Variants in ATMIN observed in about 807,000 individuals in gnomAD.
ATMIN encodes ATM INteracting protein.
In ATMIN, 24 loss-of-function variants were observed where a neutral mutation model predicts 49.2. That is an observed-to-expected ratio of 0.49 (90% CI 0.35 to 0.69). The LOEUF is 0.69. Ranked by LOEUF, ATMIN falls within the 30% of genes least tolerant of loss-of-function variation. The pLI is 0.00. For synonymous variants in ATMIN, 450 were observed against 392.5 expected (o/e 1.15, Z -1.73); for missense variants, 1,037 against 1,005.5 (o/e 1.03, Z -0.42).
intron 1 of ATMIN, among the ~76,000 whole-genome samples, chr16:81,039,536 A>AT (rs1311356165): frequency 6.6e-6 from 1 of 152,216 alleles, no homozygotes; most frequent in Admixed American, 6.5e-5. Flanking sequence ...TGCCTAAGGT[A>AT]TATGGCCATA....
intron 1 of ATMIN, among the ~76,000 whole-genome samples, chr16:81,038,413 G>A (rs940924224): frequency 6.6e-6 from 1 of 152,160 alleles, no homozygotes; most frequent in Non-Finnish European, 1.5e-5. Flanking sequence ...TTACAGGTGT[G>A]AGCCACTGTG....
chr16:81,037,380 C>T, intron 1 of ATMIN: 2 of 985,408 alleles, frequency 2.0e-6, no homozygotes, highest in South Asian at 4.7e-5. Flanking sequence ...AGATGTGTCG[C>T]CAATGAAGAG....
At chr16:81,037,460 A>T (rs930333533) in intron 1 of ATMIN, 2 of 985,364 alleles carry the variant, frequency 2.0e-6, no homozygotes, top group African/African-American at 3.5e-5. Flanking sequence ...GGAGCCAGTC[A>T]GGAAATGTAC....
At position 81,043,063 on chromosome 16, in the gene ATMIN, A is replaced by G. The variant is rs184286968; in HGVS notation, c.663-98A>G. The G allele has an allele frequency of 2.6e-5, 36 of 1,410,110 alleles. No individual in the cohort carries two copies. The East Asian group carries it at 5.2e-4, about 20-fold the overall frequency. The allele number at this position is 1,410,110 out of a possible 1,614,324, so 87.3% of individuals were successfully genotyped here. A position where few individuals can be genotyped will look rare whatever the true frequency, so the allele number is the denominator to read the frequency against. ...GTCTGGGTTGAACATGACCTCTGCT[A>G]TAGATGGGGGAAATGGCATTTGTAA... On this transcript the variant is annotated intron_variant, in intron 3 of 3. Coordinates refer to ENST00000299575, the MANE Select transcript of ATMIN (RefSeq NM_015251.3).
At chr16:81,041,117 A>C (rs1251638171) in intron 1 of ATMIN, 7 of 418,354 alleles carry the variant, frequency 1.7e-5, no homozygotes, top group Non-Finnish European at 3.1e-5. Flanking sequence ...ATGTAAATTG[A>C]CTAAGAGGAA....
Position 81,037,550 on chromosome 16 carries a change from G to A in ATMIN, c.336+1344G>A, listed in dbSNP as rs544074589. The A allele has an allele frequency of 3.8e-4, 360 of 945,638 alleles. 4 individuals are homozygous for A. The South Asian group carries it at 0.015, about 40-fold the overall frequency. The allele number at this position is 945,638 out of a possible 1,614,324, so 58.6% of individuals were successfully genotyped here. A position where few individuals can be genotyped will look rare whatever the true frequency, so the allele number is the denominator to read the frequency against. Reference sequence around the variant, plus strand: ...GCTCTGGGTTTCTTTCAGCACTCAAGTGTAACTCTGGGAATGGCTTTCAAC... The same window carrying A: ...GCTCTGGGTTTCTTTCAGCACTCAAATGTAACTCTGGGAATGGCTTTCAAC... On this transcript the variant is annotated intron_variant, in intron 1 of 3. Transcript: ENST00000299575.
In ATMIN at chr16:81,043,547, C is replaced by A. The variant is rs778277814; in HGVS notation, c.1049C>A (p.Thr350Asn). The A allele has an allele frequency of 1.9e-6, 3 of 1,614,042 alleles. No individual in the cohort carries two copies. In the Admixed American group the frequency reaches 5.0e-5, roughly 27 times the overall value. ...CACTTAATGCCCTTGTCAGTAGGAACCCTGATCCTCGGCCTAGATTCAGAG... is the reference window on the plus strand; with the variant it reads ...CACTTAATGCCCTTGTCAGTAGGAAACCTGATCCTCGGCCTAGATTCAGAG... ...AVHLMPLSVG[T>N]LILGLDSEAC... The change falls in exon 4 of 4, where the codon ACC (threonine) becomes AAC (asparagine). Residue 350 changes from threonine (T) to asparagine (N), a missense_variant. Thr to Asn is a moderately conservative substitution (Grantham distance 65). Transcript: ENST00000299575.
At position 81,044,629 on chromosome 16, in the gene ATMIN, T is replaced by C. The variant is rs1332185477; in HGVS notation, c.2131T>C (p.Phe711Leu). 1 of 1,614,198 alleles carries C rather than the reference T, an allele frequency of 6.2e-7. No individual in the cohort carries two copies. The highest frequency in any genetic ancestry group is 8.5e-7 in the Non-Finnish European group (1 of 1,180,034). Reference protein sequence around the residue: ...DTQTQTDLNFFLDSSPHLPLG... With the variant: ...DTQTQTDLNFLLDSSPHLPLG... ...ACAGACACAGACAGACTTAAACTTT[T>C]TCTTAGACAGTAGCCCTCATCTGCC... is the stretch of plus-strand genomic sequence containing the variant. The change falls in exon 4 of 4, where the codon TTC (phenylalanine) becomes CTC (leucine). Residue 711 changes from phenylalanine to leucine, a missense_variant. By Grantham distance (22) the Phe-to-Leu change is conservative (BLOSUM62 0). Coordinates refer to ENST00000299575, the MANE Select transcript of ATMIN (RefSeq NM_015251.3).
rs779776245 is a variant in ATMIN, at chr16:81,044,758, C to A, written c.2260C>A (p.Leu754Ile). The change falls in exon 4 of 4, where the codon CTA becomes ATA. Residue 754 changes from leucine to isoleucine, a missense_variant. Leu to Ile is a conservative substitution (Grantham distance 5). Transcript: ENST00000299575. ...GVSTAKNIPA[L>I]ESKVQLNSTE... ...CTCCACTGCTAAAAATATACCTGCT[C>A]TAGAAAGCAAAGTTCAGTTGAACAG... 6.2e-7 allele frequency: 1 copy of A among 1,614,184 alleles called. No homozygotes were observed. The highest frequency in any genetic ancestry group is 1.1e-5 in the South Asian group (1 of 91,080).
At chr16:81,037,237 C>T (rs1408155893) in intron 1 of ATMIN, 8 of 985,294 alleles carry the variant, frequency 8.1e-6, no homozygotes, top group South Asian at 4.7e-5. Flanking sequence ...AGCAGTTCTG[C>T]GAATATGTAG....
chr16:81,036,625 C>T (rs1970940269), intron 1 of ATMIN, among the ~76,000 whole-genome samples: 1 of 152,224 alleles, frequency 6.6e-6, no homozygotes, highest in Non-Finnish European at 1.5e-5. Flanking sequence ...ACCGGGGCCT[C>T]TGGTTCTAAA....
intron 1 of ATMIN, chr16:81,041,065 A>G (rs547185436): frequency 6.8e-6 from 2 of 292,996 alleles, no homozygotes; most frequent in Admixed American, 4.9e-5. Context: ...TTTCTGGAGC[A>G]TTTCACAGCC....
In ATMIN at chr16:81,044,541, C is replaced by G. The variant is rs867685936; in HGVS notation, c.2043C>G (p.Thr681=). The change falls in exon 4 of 4, where the codon ACC becomes ACG. Residue 681 remains threonine (T), a synonymous_variant. Transcript: ENST00000299575. ...AAACGGACTTCTTACTCGCAGATAC[C>G]TCTGCTCAGTCCTATGGGTGTAGGG... is the stretch of plus-strand genomic sequence containing the variant. The part of the protein sequence containing the change: ...ETQTDFLLAD[T]SAQSYGCRGN... The G allele has an allele frequency of 6.2e-7, 1 of 1,613,856 alleles. No homozygotes were observed. The highest frequency in any genetic ancestry group is 1.3e-5 in the African/African-American group (1 of 74,844).
At chr16:81,036,608 G>T (rs1213402784) in intron 1 of ATMIN, among the ~76,000 whole-genome samples, 2 of 152,206 alleles carry the variant, frequency 1.3e-5, no homozygotes, top group Non-Finnish European at 2.9e-5. Flanking sequence ...ATGATGCGGG[G>T]CTTTAAACCG....
At position 81,045,056 on chromosome 16, in the gene ATMIN, G is replaced by T. The variant is rs113605557; in HGVS notation, c.*86G>T. 3.4e-6 allele frequency: 5 copies of T among 1,485,496 alleles called. No homozygotes were observed. The highest frequency in any genetic ancestry group is 1.4e-5 in the African/African-American group (1 of 71,104). 92.0% of individuals were successfully genotyped at this position (1,485,496 alleles called of 1,614,324 possible). ...GGACTGGGGACAACAGTATTAATTC[G>T]ATTGAATGTGGCTGATGATGCAGTT... On this transcript the variant is annotated 3_prime_UTR_variant, in exon 4 of 4. Transcript: ENST00000299575.
In ATMIN at chr16:81,045,315, T is replaced by C. The variant is rs1971099968; in HGVS notation, c.*345T>C. On this transcript the variant is annotated 3_prime_UTR_variant, in exon 4 of 4. Coordinates refer to ENST00000299575, the MANE Select transcript of ATMIN (RefSeq NM_015251.3). Reference sequence around the variant, plus strand: ...TACCAGGTTCAAGGGTACAAACTTCTCAAATCTTCAAAACATTTTAGTCAA... The same window carrying C: ...TACCAGGTTCAAGGGTACAAACTTCCCAAATCTTCAAAACATTTTAGTCAA... The C allele has an allele frequency of 4.7e-6, 1 of 213,752 alleles. No individual in the cohort carries two copies. The highest frequency in any genetic ancestry group is 5.3e-5 in the Admixed American group (1 of 18,984). The allele number at this position is 213,752 out of a possible 1,614,324, so 13.2% of individuals were successfully genotyped here. A position where few individuals can be genotyped will look rare whatever the true frequency, so the allele number is the denominator to read the frequency against.
intron 1 of ATMIN, 31 bp downstream of exon 1, chr16:81,036,237 G>A (rs115484651): frequency 3.7e-6 from 5 of 1,344,016 alleles, no homozygotes; most frequent in African/African-American, 1.5e-5. Context: ...GGCCCGGGGG[G>A]CCGGGCCTGG....
At position 81,043,758 on chromosome 16, in the gene ATMIN, C is replaced by T. The variant is rs1971074927; in HGVS notation, c.1260C>T (p.Ala420=). ...SINVQTDLSY[A]SQNFIPSAQW... The stretch of plus-strand genomic sequence containing the variant: ...ACGTGCAGACAGATCTGTCTTATGC[C>T]TCACAAAACTTTATACCTTCTGCAC... The change falls in exon 4 of 4, where the codon GCC becomes GCT. Residue 420 remains alanine, a synonymous_variant. Transcript: ENST00000299575. 3 of 1,614,214 alleles carry T rather than the reference C, an allele frequency of 1.9e-6. No individual in the cohort carries two copies. The highest frequency in any genetic ancestry group is 2.5e-6 in the Non-Finnish European group (3 of 1,180,034).
chr16:81,041,299 C>T (rs12444747), intron 1 of ATMIN, 57 bp from the exon 2 acceptor site: 70 of 1,548,174 alleles, frequency 4.5e-5, no homozygotes, highest in Non-Finnish European at 5.8e-5. Context: ...CGTTTCCACT[C>T]CAGCCTGTTG....
Sources: allele counts gnomAD v4.1 joint callset (sites outside exome capture counted in the v4.1 genomes callset), GRCh38; gene constraint gnomAD v4.1.1; transcripts MANE v1.5; gene names NCBI Gene and HGNC (gene_info 2026-07-23, HGNC 2026-07-21).